The following VLDLR variants were observed in gnomAD, a reference collection of about 807,000 sequenced individuals.
The protein encoded by VLDLR is very low-density lipoprotein receptor.
In VLDLR, 81 loss-of-function variants were observed where a neutral mutation model predicts 112.7. The observed-to-expected ratio is 0.72, with a 90% CI of 0.60 to 0.86. The LOEUF (loss-of-function observed/expected upper bound fraction) is 0.86, where lower values mean the gene tolerates loss of function less well. Among genes scored for constraint, VLDLR ranks in the 40% least tolerant of loss-of-function variants. VLDLR has a pLI of 0.00. For missense variants in VLDLR, 1,237 were observed against 1,099.4 expected (o/e 1.13, Z -1.77); for synonymous variants, 436 against 384.8 (o/e 1.13, Z -1.56).
chr9:2,649,245 G>T (rs1217632661), intron 14 of VLDLR, among the ~76,000 whole-genome samples: 1 of 152,172 alleles, frequency 6.6e-6, no homozygotes, highest in Non-Finnish European at 1.5e-5. Flanking sequence ...TGAAATCAAG[G>T]TGCCAGGAGG....
In VLDLR at chr9:2,644,782, A is replaced by G. The variant is rs759045327; in HGVS notation, c.1115A>G (p.Lys372Arg). ...VNNGGCSHIC[K>R]DLVIGYECDC... Reference sequence around the variant, plus strand: ...AATGGTGGATGTTCTCATATCTGCAAAGACCTAGTTATAGGCTACGAGTGT... The same window carrying G: ...AATGGTGGATGTTCTCATATCTGCAGAGACCTAGTTATAGGCTACGAGTGT... The change falls in exon 8 of 19, where the codon AAA becomes AGA. Residue 372 changes from lysine to arginine, a missense_variant. Lys to Arg is a conservative substitution (Grantham distance 26). Coordinates refer to ENST00000382100, the MANE Select transcript of VLDLR (RefSeq NM_003383.5). The G allele has an allele frequency of 9.9e-6, 16 of 1,614,088 alleles. No homozygotes were observed. The Admixed American group carries it at 2.3e-4, about 24-fold the overall frequency.
At position 2,651,944 on chromosome 9, in the gene VLDLR, T is replaced by C; in HGVS notation, c.2406T>C (p.Ile802=). 3 of 1,614,048 alleles carry C rather than the reference T, an allele frequency of 1.9e-6. No individual in the cohort carries two copies. The highest frequency in any genetic ancestry group is 2.5e-6 in the Non-Finnish European group (3 of 1,179,938). ...AAGGGACTTCTGCCGCATGGGCCAT[T>C]CTTCCTCTCTGTAAGTAGATTTCCT... The part of the protein sequence containing the change: ...PPKGTSAAWA[I]LPLLLLVMAA... Residue 802 remains isoleucine (I), a synonymous_variant, in exon 17 of 19, where the codon ATT becomes ATC. Coordinates refer to ENST00000382100, the MANE Select transcript of VLDLR (RefSeq NM_003383.5).
intron 2 of VLDLR, among the ~76,000 whole-genome samples, chr9:2,639,498 TTAAA>T (rs1335332159): frequency 6.6e-6 from 1 of 152,166 alleles, no homozygotes; most frequent in East Asian, 1.9e-4. Flanking sequence ...TGTTTAGCTG[TTAAA>T]TGAAGTACTT....
chr9:2,649,186 T>C (rs1818202503), intron 14 of VLDLR, among the ~76,000 whole-genome samples: 1 of 152,146 alleles, frequency 6.6e-6, no homozygotes, highest in South Asian at 2.1e-4. Context: ...CCACAGACTA[T>C]CTTAAACAAC....
At chr9:2,633,521 A>C (rs968398416) in intron 1 of VLDLR, among the ~76,000 whole-genome samples, 1 of 152,108 alleles carries the variant, frequency 6.6e-6, no homozygotes, top group East Asian at 1.9e-4. Flanking sequence ...TTGCTATTCA[A>C]ATCTGATTAC....
chr9:2,637,636 T>TA (rs1320487069), intron 2 of VLDLR, among the ~76,000 whole-genome samples: 1 of 151,760 alleles, frequency 6.6e-6, no homozygotes, highest in Non-Finnish European at 1.5e-5. Flanking sequence ...CTCCTTACGT[T>TA]TTCTAAGACT....
chr9:2,622,201 C>CGCGCTCTGG lies in VLDLR; in HGVS notation c.22_30dup (p.Ala8_Trp10dup), dbSNP rs756323608. 4 of 1,499,308 alleles carry CGCGCTCTGG rather than the reference C, an allele frequency of 2.7e-6. No homozygotes were observed. Among genetic ancestry groups the CGCGCTCTGG allele is most frequent in the Middle Eastern group, 1.8e-4 (1 of 5,702 alleles). The allele number at this position is 1,499,308 out of a possible 1,614,324, so 92.9% of individuals were successfully genotyped here. A position where few individuals can be genotyped will look rare whatever the true frequency, so the allele number is the denominator to read the frequency against. ...TCCAGGCGGGCACCATGGGCACGTC[C>CGCGCTCTGG]GCGCTCTGGGCGCTCTGGCTGCTGC... On this transcript the variant is annotated inframe_insertion, in exon 1 of 19. Transcript: ENST00000382100.
Position 2,648,857 on chromosome 9 carries a change from G to T in VLDLR, c.2104+47G>T, listed in dbSNP as rs762589016. ...CTTAATAACTACTTTAAGGGAAGCA[G>T]CATGACACAGAACCTGCTGGATGTC... On this transcript the variant is annotated intron_variant, in intron 14 of 18. Transcript: ENST00000382100. 7.4e-6 allele frequency: 12 copies of T among 1,612,372 alleles called. No homozygotes were observed. The East Asian group carries it at 2.7e-4, about 36-fold the overall frequency.
chr9:2,644,684 G>C, intron 7 of VLDLR, 50 bp from the exon 8 acceptor site: 1 of 1,612,882 alleles, frequency 6.2e-7, no homozygotes. Flanking sequence ...AAATGTGAAA[G>C]ATATTAATTG....
chr9:2,648,329 T>G lies in VLDLR; in HGVS notation c.1944T>G (p.Leu648=). Residue 648 remains leucine, a synonymous_variant, in exon 13 of 19, where the codon CTT becomes CTG. Coordinates refer to ENST00000382100, the MANE Select transcript of VLDLR (RefSeq NM_003383.5). ...CTCTGGAGTTCCTAGCTCATCCTCT[T>G]GCACTAACAATATTTGAGGTAAGAT... ...LKSLEFLAHP[L]ALTIFEDRVY... is the part of the protein sequence containing the mutation. 1 of 1,614,178 alleles carries G rather than the reference T, an allele frequency of 6.2e-7. No individual in the cohort carries two copies. The highest frequency in any genetic ancestry group is 8.5e-7 in the Non-Finnish European group (1 of 1,180,014).
intron 15 of VLDLR, 91 bp downstream of exon 15, chr9:2,650,607 C>T (rs1818283393): frequency 1.3e-6 from 2 of 1,531,306 alleles, no homozygotes; most frequent in Non-Finnish European, 1.8e-6. Context: ...TCTGTCTTAG[C>T]TAATTCTTTG....
intron 1 of VLDLR, among the ~76,000 whole-genome samples, chr9:2,626,224 C>G (rs2130759457): frequency 6.6e-6 from 1 of 152,244 alleles, no homozygotes; most frequent in African/African-American, 2.4e-5. Flanking sequence ...GGATGGGACC[C>G]AAGTCTAAAC....
chr9:2,648,645 G>A (rs1217109434), intron 13 of VLDLR, 24 bp from the exon 14 acceptor site: 5 of 1,614,038 alleles, frequency 3.1e-6, no homozygotes, highest in Non-Finnish European at 3.4e-6. Context: ...GGATGTACAT[G>A]CTAATTGTGG....
chr9:2,647,427 A>G (rs1163277815), intron 11 of VLDLR, 47 bp from the exon 12 acceptor site: 5 of 1,549,694 alleles, frequency 3.2e-6, no homozygotes, highest in Admixed American at 1.7e-5. Flanking sequence ...CTACAACTTT[A>G]TTCCTTCTAA....
In VLDLR at chr9:2,656,248, A is replaced by G. The variant is rs1818600544; in HGVS notation, c.*2380A>G. ...ACAACTCATTGTACCTACGAGGTACAAACTCATTTGTAGAAACAAAGTAAC... is the reference window on the plus strand; with the variant it reads ...ACAACTCATTGTACCTACGAGGTACGAACTCATTTGTAGAAACAAAGTAAC... On this transcript the variant is annotated 3_prime_UTR_variant, in exon 19 of 19. Coordinates refer to ENST00000382100, the MANE Select transcript of VLDLR (RefSeq NM_003383.5). 1 of 152,114 alleles carries G rather than the reference A, an allele frequency of 6.6e-6. No homozygotes were observed. The highest frequency in any genetic ancestry group is 1.5e-5 in the Non-Finnish European group (1 of 68,024). 9.4% of individuals were successfully genotyped at this position (152,114 alleles called of 1,614,324 possible). A position where few individuals can be genotyped will look rare whatever the true frequency, so the allele number is the denominator to read the frequency against.
At chr9:2,633,782 A>G (rs1305663574) in intron 1 of VLDLR, among the ~76,000 whole-genome samples, 3 of 152,294 alleles carry the variant, frequency 2.0e-5, no homozygotes, top group East Asian at 1.9e-4. Flanking sequence ...GTAAGGTCAT[A>G]TAGAACTGCA....
intron 4 of VLDLR, among the ~76,000 whole-genome samples, chr9:2,642,308 C>T (rs1817866938): frequency 1.3e-5 from 2 of 152,178 alleles, no homozygotes; most frequent in Non-Finnish European, 2.9e-5. Context: ...GAGCTCAGGG[C>T]ACTTACAGTT....
At chr9:2,648,475 C>T in intron 13 of VLDLR, 128 bp downstream of exon 13, 2 of 1,531,454 alleles carry the variant, frequency 1.3e-6, no homozygotes, top group East Asian at 2.3e-5. Context: ...TCACTTAAAA[C>T]CTGGTACAAA....
rs1171613363 is a variant in VLDLR, at chr9:2,654,143, T to G, written c.*275T>G. 1 of 464,450 alleles carries G rather than the reference T, an allele frequency of 2.2e-6. No homozygotes were observed. Among genetic ancestry groups the G allele is most frequent in the Non-Finnish European group, 4.0e-6 (1 of 252,174 alleles). The allele number at this position is 464,450 out of a possible 1,614,324, so 28.8% of individuals were successfully genotyped here. ...GCCACCTCTGGCCAAATATGCACTT[T>G]CCCTAGAAAGCCATATTCCAGCAGT... On this transcript the variant is annotated 3_prime_UTR_variant, in exon 19 of 19. Transcript: ENST00000382100.
Sources: gnomAD v4.1 joint callset for allele counts (sites outside exome capture counted in the v4.1 genomes callset) on GRCh38, gnomAD v4.1.1 for gene constraint, MANE v1.5 for transcripts, NCBI Gene and HGNC (gene_info 2026-07-23, HGNC 2026-07-21) for gene names.